The following RAP1GAP2 variants were observed in gnomAD, a reference collection of about 807,000 sequenced individuals.
RAP1GAP2 encodes rap1 GTPase-activating protein 2.
RAP1GAP2 carries 27 observed loss-of-function variants against 95.0 expected under a neutral mutation model. That is an observed-to-expected ratio of 0.28 (90% CI 0.21 to 0.39). RAP1GAP2 has a LOEUF of 0.39. Among genes scored for constraint, RAP1GAP2 ranks in the 10% least tolerant of loss-of-function variants. RAP1GAP2 has a pLI of 1.00. For synonymous variants in RAP1GAP2, 373 were observed against 380.9 expected, an observed-to-expected ratio of 0.98 and a Z score of 0.24; for missense variants, 771 against 970.0, an observed-to-expected ratio of 0.79 and a Z score of 2.72.
intron 8 of RAP1GAP2, among the ~76,000 whole-genome samples, chr17:2,977,741 C>G (rs927030946): frequency 1.3e-4 from 15 of 117,610 alleles, no homozygotes; most frequent in Middle Eastern, 9.2e-3. Context: ...TGAGAGACTC[C>G]GTCTTAAAAA....
Position 2,981,195 on chromosome 17 carries a change from G to C in RAP1GAP2, c.676G>C (p.Ala226Pro). ...CCTGCGTCTTCTTCTCCCTTCTCAGGCTTTCTGTGATGATGCAGTGGGACT... is the reference window on the plus strand; with the variant it reads ...CCTGCGTCTTCTTCTCCCTTCTCAGCCTTTCTGTGATGATGCAGTGGGACT... ...KLPSVPQIAK[A>P]FCDDAVGLRF... Residue 226 changes from alanine to proline, a missense_variant and splice_region_variant, in exon 10 of 25, where the codon GCT becomes CCT. Physicochemically the swap from Ala to Pro is conservative, Grantham distance 27 (BLOSUM62 -1). Coordinates refer to ENST00000254695, the MANE Select transcript of RAP1GAP2 (RefSeq NM_015085.5). 1.9e-6 allele frequency: 3 copies of C among 1,612,298 alleles called. No homozygotes were observed. The highest frequency in any genetic ancestry group is 2.5e-6 in the Non-Finnish European group (3 of 1,179,088).
In RAP1GAP2 at chr17:2,796,878, A is replaced by G. The variant is rs2069104691; in HGVS notation, c.44+307A>G. ...TGTGTCTCTGTGTCCGCAGGTTCCC[A>G]TGTATGTGTGTGCGTGTCTGGGATT... On this transcript the variant is annotated intron_variant, in intron 1 of 24. Transcript: ENST00000254695. The surrounding 1 kb of genome is among the most constrained non-coding windows in gnomAD (Gnocchi z 4.7). Among the ~76,000 whole-genome samples the G allele has an allele frequency of 1.3e-5, 2 of 151,722 alleles. No individual in the cohort carries two copies. The highest frequency in any genetic ancestry group is 4.2e-4 in the South Asian group (2 of 4,802).
chr17:2,840,617 G>C (rs2071335025), intron 2 of RAP1GAP2, among the ~76,000 whole-genome samples: 3 of 152,128 alleles, frequency 2.0e-5, no homozygotes, highest in South Asian at 2.1e-4. Context: ...CTGAGTAGCT[G>C]GGACTACAGG....
intron 3 of RAP1GAP2, among the ~76,000 whole-genome samples, chr17:2,922,832 G>GTT (rs1182641512): frequency 2.3e-4 from 17 of 75,042 alleles, no homozygotes; most frequent in Non-Finnish European, 3.5e-4. Flanking sequence ...TTTTGTTTTT[G>GTT]TTTTTTTTTT....
Position 2,937,561 on chromosome 17 carries a change from G to A in RAP1GAP2, c.166-20198G>A, listed in dbSNP as rs138185554. ...CAGCACGTGCAGGAGGGAGCTGGAA[G>A]GATGCTGAGGATGCACGAGCCTTAT... On this transcript the variant is annotated intron_variant, in intron 3 of 24. Transcript: ENST00000254695. Among the ~76,000 whole-genome samples the A allele has an allele frequency of 1.1e-3, 172 of 152,328 alleles. 1 individual carries two copies. Among genetic ancestry groups the A allele is most frequent in the Non-Finnish European group, 2.2e-3 (148 of 68,004 alleles).
chr17:2,936,173 T>C (rs556120775), intron 3 of RAP1GAP2, among the ~76,000 whole-genome samples: 3 of 151,522 alleles, frequency 2.0e-5, no homozygotes, highest in South Asian at 4.2e-4. Flanking sequence ...TTGTTACATA[T>C]GTATACACGT....
At chr17:2,875,730 C>G (rs753761026) in intron 2 of RAP1GAP2, among the ~76,000 whole-genome samples, 6 of 152,010 alleles carry the variant, frequency 3.9e-5, no homozygotes, top group Non-Finnish European at 8.8e-5. Context: ...GCCTGTCTGT[C>G]TCATCCTCCT....
At chr17:3,025,331 C>T (rs534207367) in intron 19 of RAP1GAP2, among the ~76,000 whole-genome samples, 2 of 152,268 alleles carry the variant, frequency 1.3e-5, no homozygotes, top group Non-Finnish European at 1.5e-5. Flanking sequence ...AATCCAAGAT[C>T]GCACCACTGC....
In RAP1GAP2 at chr17:3,036,388, T is replaced by C. The variant is rs1459676980; in HGVS notation, c.*3027T>C. 2 of 152,272 alleles carry C rather than the reference T, an allele frequency of 1.3e-5. No individual in the cohort carries two copies. 9.4% of individuals were successfully genotyped at this position (152,272 alleles called of 1,614,324 possible). A position where few individuals can be genotyped will look rare whatever the true frequency, so the allele number is the denominator to read the frequency against. ...TGCAGCGCCTACATGGTTGGTTGAATAAGTGGCTGCGTTTCCTGGGGCCCT... is the reference window on the plus strand; with the variant it reads ...TGCAGCGCCTACATGGTTGGTTGAACAAGTGGCTGCGTTTCCTGGGGCCCT... On this transcript the variant is annotated 3_prime_UTR_variant, in exon 25 of 25. Coordinates refer to ENST00000254695, the MANE Select transcript of RAP1GAP2 (RefSeq NM_015085.5).
At chr17:3,021,430 CTTTTTTT>C (rs57099220) in intron 19 of RAP1GAP2, among the ~76,000 whole-genome samples, 7 of 95,782 alleles carry the variant, frequency 7.3e-5, no homozygotes, top group Admixed American at 2.5e-4. Flanking sequence ...CGATATTTGT[CTTTTTTT>C]TTTTTTTTTT....
chr17:2,899,460 C>T (rs2041953111), intron 2 of RAP1GAP2, among the ~76,000 whole-genome samples: 1 of 151,940 alleles, frequency 6.6e-6, no homozygotes. Context: ...ATCCGCCTGC[C>T]TTGGCTTCCC....
At chr17:2,941,882 C>T (rs1000874764) in intron 3 of RAP1GAP2, among the ~76,000 whole-genome samples, 3 of 152,054 alleles carry the variant, frequency 2.0e-5, no homozygotes, top group Non-Finnish European at 2.9e-5. Context: ...GGGGTTTTAC[C>T]GTGTTGGTCA....
At chr17:2,849,813 G>C (rs763206314) in intron 2 of RAP1GAP2, among the ~76,000 whole-genome samples, 1 of 152,290 alleles carries the variant, frequency 6.6e-6, no homozygotes, top group East Asian at 1.9e-4. Context: ...GACTTCTGCC[G>C]TCCTCATTTC....
rs965396143 is a variant in RAP1GAP2, at chr17:2,797,076, T to A, written c.44+505T>A. 6.6e-6 allele frequency among the ~76,000 whole-genome samples: 1 copy of A among 152,056 alleles called. No individual in the cohort carries two copies. Among genetic ancestry groups the A allele is most frequent in the Non-Finnish European group, 1.5e-5 (1 of 68,008 alleles). ...GTGTGCTTGTGTCTGCGTGTTTGTG[T>A]GTGTGATGCTCCTGTCTGTGCTGTT... On this transcript the variant is annotated intron_variant, in intron 1 of 24. Coordinates refer to ENST00000254695, the MANE Select transcript of RAP1GAP2 (RefSeq NM_015085.5). The surrounding 1 kb of genome is among the most constrained non-coding windows in gnomAD (Gnocchi z 5.6).
intron 3 of RAP1GAP2, among the ~76,000 whole-genome samples, chr17:2,935,122 T>C (rs1165200114): frequency 1.3e-5 from 2 of 152,218 alleles, no homozygotes; most frequent in African/African-American, 4.8e-5. Context: ...CCTGTCGTTC[T>C]AGATGTTTAA....
rs1178105107 is a variant in RAP1GAP2 at position 2,825,944 on chromosome 17, G to A, written c.80+25394G>A. 1.5e-5 allele frequency among the ~76,000 whole-genome samples: 2 copies of A among 137,856 alleles called. No individual in the cohort carries two copies. The highest frequency in any genetic ancestry group is 5.3e-5 in the African/African-American group (2 of 37,682). 90.4% of individuals were successfully genotyped at this position (137,856 alleles called of 152,430 possible). A position where few individuals can be genotyped will look rare whatever the true frequency, so the allele number is the denominator to read the frequency against. ...AAGGAATCCCTAGGAAGAGAAGGTT[G>A]CAGGGGGCATTTTTTTTCTTTTTTC... On this transcript the variant is annotated intron_variant, in intron 2 of 24. Transcript: ENST00000254695. This position sits in a 1 kb window ranked among gnomAD's most constrained non-coding sequence, Gnocchi z 4.1.
chr17:2,967,626 G>A (rs1474501401), intron 8 of RAP1GAP2, among the ~76,000 whole-genome samples: 1 of 152,170 alleles, frequency 6.6e-6, no homozygotes. Flanking sequence ...GGGTGGTGAC[G>A]AGAAGCCGTA....
intron 3 of RAP1GAP2, among the ~76,000 whole-genome samples, chr17:2,932,057 G>T (rs1434539849): frequency 6.6e-6 from 1 of 152,194 alleles, no homozygotes; most frequent in Non-Finnish European, 1.5e-5. Context: ...ACTAGGCCAG[G>T]GACGGCTCCA....
At chr17:2,987,994 G>A (rs969968982) in intron 11 of RAP1GAP2, among the ~76,000 whole-genome samples, 6 of 152,178 alleles carry the variant, frequency 3.9e-5, no homozygotes, top group Non-Finnish European at 4.4e-5. Flanking sequence ...CTGTTGATCA[G>A]GCAGTGTTTG....
Sources: gnomAD v4.1 joint callset for allele counts (sites outside exome capture counted in the v4.1 genomes callset) on GRCh38, gnomAD v4.1.1 for gene constraint, Gnocchi (gnomAD v3.1) non-coding constraint, MANE v1.5 for transcripts, NCBI Gene and HGNC (gene_info 2026-07-23, HGNC 2026-07-21) for gene names.